The following UBQLN4 variants were observed in gnomAD, a reference collection of about 807,000 sequenced individuals.
UBQLN4 encodes ubiquilin 4.
A neutral mutation model predicts 60.4 loss-of-function variants in UBQLN4; 11 were observed. The ratio of observed to expected loss-of-function variants is 0.18; its 90% CI spans 0.11 to 0.30. The LOEUF (loss-of-function observed/expected upper bound fraction) is 0.30. UBQLN4 is among the 10% of genes least tolerant of loss of function. UBQLN4 has a pLI of 1.00. For missense variants in UBQLN4, 417 were observed against 795.5 expected, an observed-to-expected ratio of 0.52 and a Z score of 5.72; for synonymous variants, 258 against 313.1, an observed-to-expected ratio of 0.82 and a Z score of 1.86.
chr1:156,039,729 C>T (rs1227410394), intron 10 of UBQLN4, among the ~76,000 whole-genome samples: 3 of 149,426 alleles, frequency 2.0e-5, no homozygotes, highest in South Asian at 2.1e-4. Context: ...CGAGGTCAGG[C>T]GATCGAGACC....
At position 156,041,909 on chromosome 1, in the gene UBQLN4, G is replaced by C; in HGVS notation, c.1429C>G (p.Gln477Glu). Residue 477 changes from glutamine (Q) to glutamate (E), a missense_variant, in exon 9 of 11, where the codon CAG (glutamine) becomes GAG (glutamate). Gln to Glu is a conservative substitution (Grantham distance 29). Transcript: ENST00000368309. The stretch of plus-strand genomic sequence containing the variant: ...CCAGGGGCCTCGGTCTGCAAGGTCT[G>C]TAGTCCCTGCTGGATCTGCAGCAAT... Reference protein sequence around the residue: ...QALLQIQQGLQTLQTEAPGLV... With the variant: ...QALLQIQQGLETLQTEAPGLV... The C allele has an allele frequency of 6.2e-7, 1 of 1,614,030 alleles. No homozygotes were observed. The highest frequency in any genetic ancestry group is 8.5e-7 in the Non-Finnish European group (1 of 1,179,994).
downstream of UBQLN4, chr1:156,033,378 TTTTTG>T (rs547865598): frequency 3.6e-5 from 31 of 861,076 alleles, no homozygotes; most frequent in Admixed American, 2.5e-4. Context: ...TTCCAGGTTT[TTTTTG>T]TTTTGTTTTG....
At chr1:156,038,850 A>C (rs1572269295) in intron 10 of UBQLN4, among the ~76,000 whole-genome samples, 2 of 131,132 alleles carry the variant, frequency 1.5e-5, no homozygotes, top group Middle Eastern at 5.0e-3. Flanking sequence ...TCGCTCTGTC[A>C]CCCAGGCTGG....
At position 156,036,705 on chromosome 1, in the gene UBQLN4, G is replaced by T. The variant is rs1204124716; in HGVS notation, c.*273C>A. 8.4e-7 allele frequency: 1 copy of T among 1,192,330 alleles called. No homozygotes were observed. The highest frequency in any genetic ancestry group is 4.2e-5 in the East Asian group (1 of 23,790). 73.9% of individuals were successfully genotyped at this position (1,192,330 alleles called of 1,614,324 possible). On this transcript the variant is annotated 3_prime_UTR_variant, in exon 11 of 11. Coordinates refer to ENST00000368309, the MANE Select transcript of UBQLN4 (RefSeq NM_020131.5). ...GATTGCAAAAGTGGTGTGGGGCAAG[G>T]AGGTAGAGTCAATCAATGAAACTGT...
intron 4 of UBQLN4, among the ~76,000 whole-genome samples, chr1:156,049,442 G>A (rs1407570197): frequency 1.3e-5 from 2 of 152,162 alleles, no homozygotes; most frequent in East Asian, 1.9e-4. Flanking sequence ...AACCCCGGGG[G>A]AGTTCATCAC....
At chr1:156,033,263 C>T (rs1683325751), downstream of UBQLN4, 2 of 985,454 alleles carry the variant, frequency 2.0e-6, no homozygotes, top group Non-Finnish European at 2.4e-6. Context: ...CTCCACGGGG[C>T]TCCAAGGAAA....
rs904697962 is a variant in UBQLN4, at chr1:156,044,119, G to A, written c.1005C>T (p.Pro335=). The part of the protein sequence containing the change: ...NREPLPNPWS[P]SPPTSQAPGS... ...CGGGGGCCTGGGAGGTGGGGGGCGA[G>A]GGGCTCCAGGGGTTAGGGAGGGGCT... The change falls in exon 6 of 11, where the codon CCC becomes CCT. Residue 335 remains proline (P), a synonymous_variant. Coordinates refer to ENST00000368309, the MANE Select transcript of UBQLN4 (RefSeq NM_020131.5). The A allele has an allele frequency of 1.9e-6, 3 of 1,584,692 alleles. No homozygotes were observed. Among genetic ancestry groups the A allele is most frequent in the Non-Finnish European group, 2.6e-6 (3 of 1,165,962 alleles).
chr1:156,046,666 C>A (rs1683712209), intron 5 of UBQLN4, among the ~76,000 whole-genome samples: 1 of 151,924 alleles, frequency 6.6e-6, no homozygotes, highest in Admixed American at 6.6e-5. Context: ...TATGGTGAAA[C>A]CCTGTGTCTG....
At chr1:156,051,618 C>A in intron 2 of UBQLN4, 88 bp downstream of exon 2, 2 of 1,579,268 alleles carry the variant, frequency 1.3e-6, no homozygotes, top group Non-Finnish European at 8.6e-7. Context: ...TCAGCTTAGG[C>A]CCTCTGGGTA....
chr1:156,042,540 A>T, intron 7 of UBQLN4: 5 of 1,093,266 alleles, frequency 4.6e-6, no homozygotes, highest in Non-Finnish European at 6.3e-6. Flanking sequence ...CTTAACGTGT[A>T]TTAACTCATT....
downstream of UBQLN4, among the ~76,000 whole-genome samples, chr1:156,034,814 C>G (rs1683354547): frequency 9.7e-6 from 1 of 103,626 alleles, no homozygotes. Context: ...CATCAGTTAT[C>G]CCTTAACCTT....
downstream of UBQLN4, among the ~76,000 whole-genome samples, chr1:156,032,982 G>A (rs1487387942): frequency 6.6e-6 from 1 of 152,188 alleles, no homozygotes; most frequent in African/African-American, 2.4e-5. Flanking sequence ...CTACCTCTTT[G>A]CAATCACCTA....
Position 156,050,791 on chromosome 1 carries a change from T to C in UBQLN4, c.479-238A>G, listed in dbSNP as rs1683847048. Among the ~76,000 whole-genome samples, 1 of 152,212 alleles carries C rather than the reference T, an allele frequency of 6.6e-6. No individual in the cohort carries two copies. Among genetic ancestry groups the C allele is most frequent in the Non-Finnish European group, 1.5e-5 (1 of 68,040 alleles). On this transcript the variant is annotated intron_variant, in intron 3 of 10. Transcript: ENST00000368309. The surrounding 1 kb of genome is among the most constrained non-coding windows in gnomAD (Gnocchi z 4.6). ...AGGCAACCAGCAATGGTCTGTTGAA[T>C]GAGTGGCCCATGTGGCTACTGCTGG...
downstream of UBQLN4, among the ~76,000 whole-genome samples, chr1:156,032,326 A>T (rs1041189509): frequency 4.0e-5 from 6 of 150,240 alleles, no homozygotes; most frequent in South Asian, 1.1e-3. Context: ...TTTAACCTAA[A>T]TATTTGCATT....
At position 156,051,797 on chromosome 1, in the gene UBQLN4, C is replaced by A. The variant is rs746116021; in HGVS notation, c.169G>T (p.Ala57Ser). The A allele has an allele frequency of 3.5e-5, 57 of 1,614,104 alleles. No homozygotes were observed. The East Asian group carries it at 1.2e-3, about 35-fold the overall frequency. ...TCCCCATCCTTGAGGATCTTGCCTG[C>A]GAAGATCAGGACCAGCTGATCCTGC... ...AQQDQLVLIF[A>S]GKILKDGDTL... Residue 57 changes from alanine to serine, a missense_variant, in exon 2 of 11, where the codon GCA (alanine) becomes TCA (serine). Physicochemically the swap from Ala to Ser is moderately conservative, Grantham distance 99 (BLOSUM62 1). Coordinates refer to ENST00000368309, the MANE Select transcript of UBQLN4 (RefSeq NM_020131.5).
downstream of UBQLN4, among the ~76,000 whole-genome samples, chr1:156,034,825 C>CTATGTATATA (rs1683356026): frequency 2.2e-5 from 1 of 46,378 alleles, no homozygotes; most frequent in African/African-American, 8.7e-5. Context: ...CCTTAACCTT[C>CTATGTATATA]TATATATATA....
downstream of UBQLN4, among the ~76,000 whole-genome samples, chr1:156,031,933 C>T (rs1046419311): frequency 7.4e-6 from 1 of 135,818 alleles, no homozygotes; most frequent in Non-Finnish European, 1.6e-5. Flanking sequence ...TATATATATA[C>T]TCATGAAATC....
At chr1:156,033,706 T>C (rs951959841), downstream of UBQLN4, among the ~76,000 whole-genome samples, 4 of 151,876 alleles carry the variant, frequency 2.6e-5, no homozygotes, top group Non-Finnish European at 5.9e-5. Context: ...TACCTGGGTG[T>C]CATGGCGGGC....
At chr1:156,043,586 C>G (rs1278076190) in intron 6 of UBQLN4, among the ~76,000 whole-genome samples, 1 of 152,190 alleles carries the variant, frequency 6.6e-6, no homozygotes, top group African/African-American at 2.4e-5. Flanking sequence ...GGAGCATCCT[C>G]TAGGGTTGTG....
Sources: gnomAD v4.1 joint callset for allele counts (sites outside exome capture counted in the v4.1 genomes callset) on GRCh38, gnomAD v4.1.1 for gene constraint, Gnocchi (gnomAD v3.1) non-coding constraint, MANE v1.5 for transcripts, NCBI Gene and HGNC (gene_info 2026-07-23, HGNC 2026-07-21) for gene names.